Variants in AP3S1 observed in about 807,000 individuals in gnomAD.
AP3S1 encodes the protein adaptor related protein complex 3 subunit sigma 1, also known as AP-3 complex subunit sigma-1.
A neutral mutation model predicts 21.3 loss-of-function variants in AP3S1; 12 were observed. That is an observed-to-expected ratio of 0.56 (90% CI 0.36 to 0.91). AP3S1 has a LOEUF of 0.91. AP3S1 is among the 40% of genes least tolerant of loss of function. The pLI is 0.01. For synonymous variants in AP3S1, 48 were observed against 78.4 expected, an observed-to-expected ratio of 0.61 and a Z score of 2.05; for missense variants, 116 against 225.0, an observed-to-expected ratio of 0.52 and a Z score of 3.10.
chr5:115,865,313 A>G (rs552772006), intron 1 of AP3S1, among the ~76,000 whole-genome samples: 24 of 152,300 alleles, frequency 1.6e-4, no homozygotes, highest in Admixed American at 1.5e-3. Context: ...AAGAATTGTT[A>G]AGAGAAAAAG....
chr5:115,867,080 A>T (rs1347330573), intron 2 of AP3S1, among the ~76,000 whole-genome samples: 1 of 152,114 alleles, frequency 6.6e-6, no homozygotes, highest in African/African-American at 2.4e-5. Context: ...TTTCTTGTGT[A>T]TCCTTCTAGA....
At chr5:115,853,304 C>T (rs77522173) in intron 1 of AP3S1, among the ~76,000 whole-genome samples, 16 of 152,224 alleles carry the variant, frequency 1.1e-4, no homozygotes, top group Non-Finnish European at 2.4e-4. Context: ...AATCCTTTGC[C>T]TGTTTTTAAG....
At chr5:115,901,104 T>C (rs113985922) in intron 4 of AP3S1, among the ~76,000 whole-genome samples, 4 of 152,200 alleles carry the variant, frequency 2.6e-5, no homozygotes, top group Non-Finnish European at 4.4e-5. Flanking sequence ...TCTTTTATGG[T>C]TTTCCTAACT....
intron 2 of AP3S1, among the ~76,000 whole-genome samples, chr5:115,868,519 G>A (rs938398246): frequency 2.0e-5 from 3 of 152,102 alleles, no homozygotes; most frequent in Non-Finnish European, 1.5e-5. Context: ...AGAAGACATA[G>A]AAGTAGTATA....
chr5:115,895,203 A>G, intron 4 of AP3S1, 45 bp downstream of exon 4: 1 of 1,330,094 alleles, frequency 7.5e-7, no homozygotes, highest in Non-Finnish European at 1.0e-6. Context: ...GAAAAACATT[A>G]ACTTATAATT....
intron 1 of AP3S1, among the ~76,000 whole-genome samples, chr5:115,859,639 T>C (rs1311935819): frequency 1.3e-5 from 2 of 152,242 alleles, no homozygotes; most frequent in Non-Finnish European, 2.9e-5. Flanking sequence ...AACTGTGTTG[T>C]ATGGCTCCAC....
intron 5 of AP3S1, among the ~76,000 whole-genome samples, chr5:115,912,997 G>A (rs1199047267): frequency 6.6e-6 from 1 of 152,190 alleles, no homozygotes; most frequent in East Asian, 1.9e-4. Context: ...CACAATCGTT[G>A]CAAGAGATAT....
intron 1 of AP3S1, among the ~76,000 whole-genome samples, chr5:115,846,394 T>C (rs1171273444): frequency 6.6e-6 from 1 of 152,200 alleles, no homozygotes; most frequent in Non-Finnish European, 1.5e-5. Context: ...ACTGTGTGTA[T>C]GTATGCATGT....
chr5:115,844,540 A>G (rs761791147), intron 1 of AP3S1, among the ~76,000 whole-genome samples: 1 of 152,216 alleles, frequency 6.6e-6, no homozygotes, highest in Non-Finnish European at 1.5e-5. Flanking sequence ...AGCAAATGCA[A>G]AAACCCTGAG....
chr5:115,895,019 C>A, intron 3 of AP3S1, 68 bp from the exon 4 acceptor site: 2 of 1,030,188 alleles, frequency 1.9e-6, no homozygotes, highest in Non-Finnish European at 1.4e-6. Context: ...TTAAGAATTG[C>A]CTTCCTTATA....
intron 4 of AP3S1, 80 bp downstream of exon 4, chr5:115,895,238 A>G: frequency 1.1e-6 from 1 of 935,464 alleles, no homozygotes; most frequent in Non-Finnish European, 1.6e-6. Context: ...GGCTTTAATG[A>G]ATAATTCTAT....
At chr5:115,882,591 C>G (rs1480629810) in intron 3 of AP3S1, among the ~76,000 whole-genome samples, 1 of 152,148 alleles carries the variant, frequency 6.6e-6, no homozygotes, top group Non-Finnish European at 1.5e-5. Flanking sequence ...CAGAGGGGCA[C>G]CCGCCAGATG....
intron 5 of AP3S1, chr5:115,907,153 A>G (rs1379132982): frequency 7.2e-6 from 2 of 278,804 alleles, no homozygotes; most frequent in Non-Finnish European, 1.1e-5. Context: ...GACAAATTGC[A>G]TTTGCAGAAG....
At chr5:115,883,340 C>A (rs2112878619) in intron 3 of AP3S1, among the ~76,000 whole-genome samples, 1 of 152,314 alleles carries the variant, frequency 6.6e-6, no homozygotes, top group Non-Finnish European at 1.5e-5. Context: ...GGTATAGGCA[C>A]CCGAGGGAAT....
intron 5 of AP3S1, among the ~76,000 whole-genome samples, chr5:115,904,472 T>G (rs919813779): frequency 3.9e-5 from 6 of 152,216 alleles, no homozygotes; most frequent in Admixed American, 3.9e-4. Flanking sequence ...TTTAAAATAG[T>G]CTTGCATTTT....
chr5:115,852,370 T>G (rs972614889), intron 1 of AP3S1, among the ~76,000 whole-genome samples: 2 of 152,132 alleles, frequency 1.3e-5, no homozygotes, highest in Non-Finnish European at 2.9e-5. Flanking sequence ...GTAAGAAGAC[T>G]TTTATAGGAG....
chr5:115,905,437 A>G (rs79396657), intron 5 of AP3S1, among the ~76,000 whole-genome samples: 4,757 of 152,270 alleles, frequency 0.031, 264 homozygotes, highest in African/African-American at 0.11. Flanking sequence ...ATCTGGTACC[A>G]AATTAGTTTC....
At chr5:115,913,113 C>T (rs1293725737) in intron 5 of AP3S1, among the ~76,000 whole-genome samples, 3 of 152,112 alleles carry the variant, frequency 2.0e-5, no homozygotes, top group Non-Finnish European at 4.4e-5. Context: ...TGGTAGTGCA[C>T]ATTAATTTGT....
At chr5:115,894,511 C>T (rs953464261) in intron 3 of AP3S1, among the ~76,000 whole-genome samples, 1 of 152,122 alleles carries the variant, frequency 6.6e-6, no homozygotes, top group African/African-American at 2.4e-5. Flanking sequence ...GAAAACAGTC[C>T]ATTTATGGGA....
Sources: gnomAD v4.1 joint callset for allele counts (sites outside exome capture counted in the v4.1 genomes callset) on GRCh38, gnomAD v4.1.1 for gene constraint, MANE v1.5 for transcripts, NCBI Gene and HGNC (gene_info 2026-07-23, HGNC 2026-07-21) for gene names.